The following TMEM150B variants were observed in gnomAD, a reference collection of about 807,000 sequenced individuals.
The protein encoded by TMEM150B is transmembrane protein 150B.
Under a neutral mutation model 25.2 loss-of-function variants are expected in TMEM150B, and 33 were observed. The observed-to-expected ratio is 1.31, with a 90% CI of 0.99 to 1.75. TMEM150B has a LOEUF of 1.75. Among genes scored for constraint, TMEM150B ranks in the 40% most tolerant of loss-of-function variants. TMEM150B has a pLI of 0.00. For missense variants in TMEM150B, 322 were observed against 306.1 expected, an observed-to-expected ratio of 1.05 and a Z score of -0.39; for synonymous variants, 133 against 134.8, an observed-to-expected ratio of 0.99 and a Z score of 0.09.
intron 6 of TMEM150B, among the ~76,000 whole-genome samples, chr19:55,317,641 C>T (rs761462241): frequency 8.6e-5 from 13 of 151,890 alleles, no homozygotes; most frequent in South Asian, 4.2e-4. Flanking sequence ...ATTAGCTAGG[C>T]GTGGTGGCGG....
rs1170050103 is a variant in TMEM150B at position 55,325,340 on chromosome 19, T to C, written c.-222A>G. 3.0e-6 allele frequency: 3 copies of C among 985,308 alleles called. No individual in the cohort carries two copies. Among genetic ancestry groups the C allele is most frequent in the Non-Finnish European group, 3.6e-6 (3 of 829,938 alleles). 61.0% of individuals were successfully genotyped at this position (985,308 alleles called of 1,614,324 possible). A position where few individuals can be genotyped will look rare whatever the true frequency, so the allele number is the denominator to read the frequency against. On this transcript the variant is annotated 5_prime_UTR_variant, in exon 1 of 8. Transcript: ENST00000326652. ...CAGAAGCTAGGGCTGCTGGCCTGGC[T>C]CAGCCGAGGGGAAGAGGCTGTGCTT...
intron 1 of TMEM150B, among the ~76,000 whole-genome samples, chr19:55,323,802 CTTTTTTTTTT>C (rs367630607): frequency 9.9e-6 from 1 of 100,894 alleles, no homozygotes; most frequent in African/African-American, 4.1e-5. Flanking sequence ...TGCGCCCAAC[CTTTTTTTTTT>C]TTTTTTTTTT....
At chr19:55,323,677 A>T (rs191200293) in intron 1 of TMEM150B, among the ~76,000 whole-genome samples, 349 of 149,076 alleles carry the variant, frequency 2.3e-3, no homozygotes, top group African/African-American at 8.0e-3. Context: ...TAATTTTTGT[A>T]TTTTTAGTAG....
downstream of TMEM150B, among the ~76,000 whole-genome samples, chr19:55,309,663 C>T (rs2088737379): frequency 6.6e-6 from 1 of 152,196 alleles, no homozygotes; most frequent in Non-Finnish European, 1.5e-5. Flanking sequence ...ATGACCTCAT[C>T]ACCTCCTAAC....
chr19:55,317,778 T>C (rs1286773813), intron 6 of TMEM150B, among the ~76,000 whole-genome samples: 2 of 119,974 alleles, frequency 1.7e-5, no homozygotes, highest in Admixed American at 8.6e-5. Flanking sequence ...TGAGACTCCA[T>C]CTCAAGAAAA....
downstream of TMEM150B, among the ~76,000 whole-genome samples, chr19:55,310,301 C>A (rs915198149): frequency 6.6e-6 from 1 of 152,140 alleles, no homozygotes; most frequent in Non-Finnish European, 1.5e-5. The surrounding 1 kb of genome is among the most constrained non-coding windows in gnomAD (Gnocchi z 5.0). Flanking sequence ...AGTTCCTAGG[C>A]GCTCTGGTTA....
Position 55,320,140 on chromosome 19 carries a change from G to A in TMEM150B, c.223C>T (p.His75Tyr). 1 of 1,614,166 alleles carries A rather than the reference G, an allele frequency of 6.2e-7. No individual in the cohort carries two copies. Among genetic ancestry groups the A allele is most frequent in the African/African-American group, 1.3e-5 (1 of 75,034 alleles). Residue 75 changes from histidine (H) to tyrosine (Y), a missense_variant, in exon 6 of 8, where the codon CAC becomes TAC. Physicochemically the swap from His to Tyr is moderately conservative, Grantham distance 83. Transcript: ENST00000326652. ...LAAWICIVRY[H>Y]QLRDWGVRRW... is the part of the protein sequence containing the mutation. ...CTGACGCCCCAGTCCCGGAGCTGGT[G>A]GTAACGGACAATGCAGATCCACGCG...
Position 55,320,249 on chromosome 19 carries a change from G to C in TMEM150B, c.197-83C>G, listed in dbSNP as rs986204815. The C allele has an allele frequency of 1.9e-5, 30 of 1,545,078 alleles. No individual in the cohort carries two copies. The Middle Eastern group carries it at 8.8e-4, about 45-fold the overall frequency. On this transcript the variant is annotated intron_variant, in intron 5 of 7. Coordinates refer to ENST00000326652, the MANE Select transcript of TMEM150B (RefSeq NM_001282011.2). The stretch of plus-strand genomic sequence containing the variant: ...CAGGGAGGGAAGTGAGGGGAGCAAG[G>C]TGAGGGAGAAAGTGGCAAACTCCCG...
chr19:55,313,201 G>A, intron 7 of TMEM150B, 146 bp from the exon 8 acceptor site: 1 of 809,486 alleles, frequency 1.2e-6, no homozygotes, highest in South Asian at 1.9e-5. Flanking sequence ...CACAGACGGG[G>A]CCTCGCCTTG....
chr19:55,321,890 C>T (rs183455700), intron 2 of TMEM150B, among the ~76,000 whole-genome samples: 22 of 152,254 alleles, frequency 1.4e-4, no homozygotes, highest in Non-Finnish European at 2.5e-4. Flanking sequence ...GCACTGACAA[C>T]CCTGCCTCCT....
intron 1 of TMEM150B, chr19:55,324,717 G>A (rs7252864): frequency 0.54 from 535,866 of 983,890 alleles, 149,064 homozygotes; most frequent in African/African-American, 0.82. Flanking sequence ...GCTGATAGAG[G>A]GCAAAGCTCT....
chr19:55,322,855 C>A, intron 1 of TMEM150B, 112 bp from the exon 2 acceptor site: 1 of 351,676 alleles, frequency 2.8e-6, no homozygotes, highest in Non-Finnish European at 4.0e-6. Flanking sequence ...TAGAACCTCA[C>A]AGGCAGCACC....
chr19:55,311,921 CG>C (rs750975874), downstream of TMEM150B: 2 of 1,611,724 alleles, frequency 1.2e-6, no homozygotes, highest in East Asian at 4.5e-5. Context: ...ACGAGAAGAA[CG>C]GGGCCCAGAC....
intron 1 of TMEM150B, among the ~76,000 whole-genome samples, chr19:55,323,149 C>T (rs1254600977): frequency 6.6e-6 from 1 of 152,156 alleles, no homozygotes; most frequent in Admixed American, 6.5e-5. Context: ...GTGTACGACT[C>T]GGCCAGGCAC....
At chr19:55,312,720 C>T (rs982909993), downstream of TMEM150B, 4 of 1,013,608 alleles carry the variant, frequency 3.9e-6, no homozygotes, top group Admixed American at 8.8e-5. Flanking sequence ...CACAGGTCCT[C>T]CGGCTCCAGG....
At position 55,319,588 on chromosome 19, in the gene TMEM150B, T is replaced by C. The variant is rs192297093; in HGVS notation, c.324+451A>G. The C allele has an allele frequency of 5.6e-3, 1,287 of 229,384 alleles. 17 individuals are homozygous for C. Among genetic ancestry groups the C allele is most frequent in the African/African-American group, 0.029 (1,218 of 42,342 alleles). The allele number at this position is 229,384 out of a possible 1,614,324, so 14.2% of individuals were successfully genotyped here. ...TGCCTCCCACGTAGCTGGGATTAAGTCGCCTGCCACCATGCCCGGCTAATT... is the reference window on the plus strand; with the variant it reads ...TGCCTCCCACGTAGCTGGGATTAAGCCGCCTGCCACCATGCCCGGCTAATT... On this transcript the variant is annotated intron_variant, in intron 6 of 7. Transcript: ENST00000326652.
At chr19:55,309,808 G>A (rs1194992636), downstream of TMEM150B, among the ~76,000 whole-genome samples, 3 of 152,200 alleles carry the variant, frequency 2.0e-5, no homozygotes, top group South Asian at 6.2e-4. Context: ...GGAAGAGAGC[G>A]CCTGCCCTGG....
chr19:55,310,406 A>G (rs1339699507), downstream of TMEM150B, among the ~76,000 whole-genome samples: 22 of 151,914 alleles, frequency 1.4e-4, no homozygotes, highest in Admixed American at 5.9e-4. This position sits in a 1 kb window ranked among gnomAD's most constrained non-coding sequence, Gnocchi z 5.0. Flanking sequence ...CTGCACAGAT[A>G]CTCCAAGATA....
chr19:55,312,051 G>A (rs755574448), downstream of TMEM150B: 21 of 1,462,536 alleles, frequency 1.4e-5, no homozygotes, highest in Middle Eastern at 2.1e-4. Flanking sequence ...GGCCACCAAC[G>A]GGACCCCTCT....
Sources: allele counts gnomAD v4.1 joint callset (sites outside exome capture counted in the v4.1 genomes callset), GRCh38; gene constraint gnomAD v4.1.1; non-coding constraint Gnocchi (gnomAD v3.1); transcripts MANE v1.5; gene names NCBI Gene and HGNC (gene_info 2026-07-23, HGNC 2026-07-21).